Variants in FBXO11 observed in about 807,000 individuals in gnomAD.
The protein encoded by FBXO11 is F-box only protein 11.
A neutral mutation model predicts 117.0 loss-of-function variants in FBXO11; 13 were observed. The observed-to-expected ratio is 0.11, with a 90% CI of 0.07 to 0.18. The LOEUF is 0.18. Ranked by LOEUF, FBXO11 falls within the 10% of genes least tolerant of loss-of-function variation. The pLI, the probability that FBXO11 is intolerant of heterozygous loss-of-function variation, is 1.00. For synonymous variants in FBXO11, 490 were observed against 380.5 expected, an observed-to-expected ratio of 1.29 and a Z score of -3.35; for missense variants, 767 against 1,164.4, an observed-to-expected ratio of 0.66 and a Z score of 4.97.
At chr2:47,878,464 C>T (rs1676176295) in intron 1 of FBXO11, among the ~76,000 whole-genome samples, 1 of 151,980 alleles carries the variant, frequency 6.6e-6, no homozygotes, top group Admixed American at 6.6e-5. Context: ...TCAAGCAATT[C>T]TCCTGCCTCA....
chr2:47,836,882 C>G (rs1572815087), intron 4 of FBXO11: 1 of 351,484 alleles, frequency 2.8e-6, no homozygotes, highest in African/African-American at 2.2e-5. Flanking sequence ...CTCCCAGGTT[C>G]AAGTGATCCT....
At chr2:47,892,837 G>A (rs1053477406) in intron 1 of FBXO11, among the ~76,000 whole-genome samples, 3 of 152,060 alleles carry the variant, frequency 2.0e-5, no homozygotes, top group African/African-American at 4.8e-5. Flanking sequence ...CAACTCTGCA[G>A]TTAATTTTCT....
In FBXO11 at chr2:47,837,940, C is replaced by T. The variant is rs184538943; in HGVS notation, c.587+919G>A. Among the ~76,000 whole-genome samples, 10 of 151,800 alleles carry T rather than the reference C, an allele frequency of 6.6e-5. No individual in the cohort carries two copies. The East Asian group carries it at 1.9e-3, about 29-fold the overall frequency. On this transcript the variant is annotated intron_variant, in intron 4 of 22. Transcript: ENST00000403359. ...AGCATTTTTTTCATCTTATTAAAAA[C>T]CTGGGCTGGGTGCAATGGCTCATGC... is the stretch of plus-strand genomic sequence containing the variant.
Position 47,839,010 on chromosome 2 carries a change from A to G in FBXO11, c.443-7T>C, listed in dbSNP as rs1672810311. On this transcript the variant is annotated splice_polypyrimidine_tract_variant and splice_region_variant and intron_variant, in intron 3 of 22. Transcript: ENST00000403359. Reference sequence around the variant, plus strand: ...TACTGTTCAGCAGGTGCTGCTATAAAGAGATTAACATATAAACTATCATTC... The same window carrying G: ...TACTGTTCAGCAGGTGCTGCTATAAGGAGATTAACATATAAACTATCATTC... 4 of 1,607,810 alleles carry G rather than the reference A, an allele frequency of 2.5e-6. No homozygotes were observed. In the East Asian group the frequency reaches 8.9e-5, roughly 36 times the overall value.
chr2:47,831,382 T>G (rs1572803373), intron 11 of FBXO11, among the ~76,000 whole-genome samples: 2 of 145,062 alleles, frequency 1.4e-5, no homozygotes, highest in South Asian at 4.3e-4. Flanking sequence ...ACCATTGCCA[T>G]TGCACTCTAG....
intron 1 of FBXO11, among the ~76,000 whole-genome samples, chr2:47,900,673 T>TACACACGTATACACACACGTATAC (rs370814109): frequency 8.4e-5 from 3 of 35,788 alleles, no homozygotes; most frequent in African/African-American, 1.9e-4. Flanking sequence ...CGTACGTATA[T>TACACACGTATACACACACGTATAC]ACACACGTAT....
intron 1 of FBXO11, among the ~76,000 whole-genome samples, chr2:47,904,513 A>G (rs999534788): frequency 7.2e-5 from 11 of 152,298 alleles, no homozygotes; most frequent in African/African-American, 2.6e-4. Context: ...AGACAGTGCT[A>G]AACAGTTGGG....
chr2:47,814,634 C>G (rs979560524), intron 16 of FBXO11, among the ~76,000 whole-genome samples: 4 of 152,108 alleles, frequency 2.6e-5, no homozygotes, highest in Non-Finnish European at 4.4e-5. Flanking sequence ...CTGTCTCAGT[C>G]TCCCAAAGTG....
intron 1 of FBXO11, among the ~76,000 whole-genome samples, chr2:47,891,281 T>G (rs2103981614): frequency 6.6e-6 from 1 of 152,258 alleles, no homozygotes; most frequent in East Asian, 1.9e-4. Flanking sequence ...AACTCCACAT[T>G]TCCCCCTCCC....
chr2:47,827,020 A>G (rs974748835), intron 11 of FBXO11, among the ~76,000 whole-genome samples: 2 of 152,250 alleles, frequency 1.3e-5, no homozygotes, highest in Non-Finnish European at 2.9e-5. Context: ...GTCATTTACC[A>G]CATTGTATTA....
intron 1 of FBXO11, among the ~76,000 whole-genome samples, chr2:47,840,986 CAGG>C (rs1672968899): frequency 6.6e-6 from 1 of 152,054 alleles, no homozygotes; most frequent in African/African-American, 2.4e-5. Context: ...ATCACGAGGT[CAGG>C]AGATCGAGAC....
At chr2:47,901,061 A>ATG (rs1362745792) in intron 1 of FBXO11, among the ~76,000 whole-genome samples, 2 of 115,422 alleles carry the variant, frequency 1.7e-5, no homozygotes, top group African/African-American at 5.5e-5. Flanking sequence ...ACACATATAT[A>ATG]TGTATATATA....
chr2:47,851,026 T>C (rs1456384223), intron 1 of FBXO11, among the ~76,000 whole-genome samples: 1 of 152,204 alleles, frequency 6.6e-6, no homozygotes, highest in Non-Finnish European at 1.5e-5. Context: ...AGATTTAAAA[T>C]ACTTAAGTTC....
intron 18 of FBXO11, chr2:47,811,080 G>C (rs1670578958): frequency 1.3e-5 from 2 of 152,096 alleles, no homozygotes; most frequent in Non-Finnish European, 2.9e-5. Flanking sequence ...CTTTCACCTG[G>C]ATGAGTGGGA....
intron 1 of FBXO11, among the ~76,000 whole-genome samples, chr2:47,880,188 G>A (rs1030960685): frequency 6.6e-6 from 1 of 152,006 alleles, no homozygotes; most frequent in Non-Finnish European, 1.5e-5. Context: ...GGTAGAGTCA[G>A]GGTTTTGTCA....
intron 1 of FBXO11, among the ~76,000 whole-genome samples, chr2:47,849,510 G>A (rs1378483974): frequency 1.3e-5 from 2 of 152,128 alleles, no homozygotes; most frequent in African/African-American, 4.8e-5. Context: ...TCTTGCCATG[G>A]ACTGTGCTAG....
intron 1 of FBXO11, among the ~76,000 whole-genome samples, chr2:47,860,559 T>C (rs1268756837): frequency 1.3e-5 from 2 of 151,854 alleles, no homozygotes; most frequent in East Asian, 1.9e-4. Context: ...TACAGGTGCA[T>C]GCCACCACGC....
intron 1 of FBXO11, among the ~76,000 whole-genome samples, chr2:47,863,751 G>C (rs533607541): frequency 6.6e-6 from 1 of 152,262 alleles, no homozygotes; most frequent in Admixed American, 6.5e-5. Context: ...GACCAGCCTG[G>C]CTAACAGGGT....
In FBXO11 at chr2:47,807,124, A is replaced by C. The variant is rs1670265676; in HGVS notation, c.*994T>G. On this transcript the variant is annotated 3_prime_UTR_variant, in exon 23 of 23. Transcript: ENST00000403359. ...CACCAATACACATAAATGGGGGAGG[A>C]AAAGCTATGAAACTGTATAGGGCTG... 1 of 467,932 alleles carries C rather than the reference A, an allele frequency of 2.1e-6. No individual in the cohort carries two copies. 29.0% of individuals were successfully genotyped at this position (467,932 alleles called of 1,614,324 possible).
Sources: gnomAD v4.1 joint callset for allele counts (sites outside exome capture counted in the v4.1 genomes callset) on GRCh38, gnomAD v4.1.1 for gene constraint, MANE v1.5 for transcripts, NCBI Gene and HGNC (gene_info 2026-07-23, HGNC 2026-07-21) for gene names.